PPARGC1B: variants seen among roughly 807,000 people sequenced by gnomAD.
The protein encoded by PPARGC1B is PPARG coactivator 1 beta, also known as peroxisome proliferator-activated receptor gamma coactivator 1-beta.
Under a neutral mutation model 101.6 loss-of-function variants are expected in PPARGC1B, and 34 were observed. The ratio of observed to expected loss-of-function variants is 0.33; its 90% confidence interval spans 0.25 to 0.45. The LOEUF (loss-of-function observed/expected upper bound fraction) is 0.45, where lower values mean the gene tolerates loss of function less well. Among genes scored for constraint, PPARGC1B ranks in the 20% least tolerant of loss-of-function variants. The pLI is 1.00. For missense variants in PPARGC1B, 1,234 were observed against 1,317.6 expected, an observed-to-expected ratio of 0.94 and a Z score of 0.98; for synonymous variants, 548 against 539.3, an observed-to-expected ratio of 1.02 and a Z score of -0.22.
At chr5:149,735,588 A>C (rs17654872) in intron 1 of PPARGC1B, among the ~76,000 whole-genome samples, 17,058 of 152,172 alleles carry the variant, frequency 0.11, 1,276 homozygotes, top group Admixed American at 0.23. Flanking sequence ...ACTACATTTC[A>C]TTCTCATAGA....
chr5:149,784,568 T>C (rs867953725), intron 1 of PPARGC1B, among the ~76,000 whole-genome samples: 9 of 136,284 alleles, frequency 6.6e-5, no homozygotes, highest in Middle Eastern at 3.5e-3. Context: ...TTCTTTTTTT[T>C]TTTTTTTTTT....
intron 1 of PPARGC1B, among the ~76,000 whole-genome samples, chr5:149,804,803 G>A (rs1468534483): frequency 6.6e-6 from 1 of 152,206 alleles, no homozygotes; most frequent in African/African-American, 2.4e-5. Context: ...TGTCCCAGGT[G>A]GACAGCCCCA....
chr5:149,748,322 T>TAG (rs1755163374), intron 1 of PPARGC1B, among the ~76,000 whole-genome samples: 4 of 151,022 alleles, frequency 2.6e-5, no homozygotes, highest in South Asian at 4.2e-4. Context: ...GATATAGATA[T>TAG]ATCTATATAT....
At position 149,842,261 on chromosome 5, in the gene PPARGC1B, A is replaced by G; in HGVS notation, c.2700A>G (p.Glu900=). Residue 900 remains glutamate, a synonymous_variant, in exon 10 of 12, where the codon GAA becomes GAG. Transcript: ENST00000309241. ...ARKRREKAIG[E]GRVVYIQNLS... is the part of the protein sequence containing the mutation. ...CTGTCCTCCTTCTTGGGCAGGGGGA[A>G]GGCCGCGTGGTGTACATTCAAAATC... 3 of 1,613,218 alleles carry G rather than the reference A, an allele frequency of 1.9e-6. No individual in the cohort carries two copies. Among genetic ancestry groups the G allele is most frequent in the Non-Finnish European group, 8.5e-7 (1 of 1,179,788 alleles).
Position 149,820,588 on chromosome 5 carries a change from T to C in PPARGC1B, c.234T>C (p.Asp78=). The change falls in exon 2 of 12, where the codon GAT becomes GAC. Residue 78 remains aspartate, a synonymous_variant. Transcript: ENST00000309241. ...CTGAACCCAACCAGTACAGCCCCGATGACTCCGAGCTCTTCCAGGTATGCC... is the reference window on the plus strand; with the variant it reads ...CTGAACCCAACCAGTACAGCCCCGACGACTCCGAGCTCTTCCAGGTATGCC... ...SETEPNQYSP[D]DSELFQIDSE... 6.2e-7 allele frequency: 1 copy of C among 1,612,530 alleles called. No individual in the cohort carries two copies. Among genetic ancestry groups the C allele is most frequent in the Non-Finnish European group, 8.5e-7 (1 of 1,179,948 alleles).
At chr5:149,803,314 C>T (rs936305108) in intron 1 of PPARGC1B, among the ~76,000 whole-genome samples, 2 of 152,182 alleles carry the variant, frequency 1.3e-5, no homozygotes, top group African/African-American at 4.8e-5. Flanking sequence ...TGCTCTGTGA[C>T]TTTAGGCAGC....
chr5:149,744,799 AGCTC>A (rs1755029521), intron 1 of PPARGC1B, among the ~76,000 whole-genome samples: 1 of 152,198 alleles, frequency 6.6e-6, no homozygotes, highest in Non-Finnish European at 1.5e-5. Flanking sequence ...AAGAGTTTGT[AGCTC>A]GGCATTAGAT....
chr5:149,833,533 GC>G lies in PPARGC1B; in HGVS notation c.1464del (p.Trp489GlyfsTer2). On this transcript the variant is annotated frameshift_variant, in exon 5 of 12. Coordinates refer to ENST00000309241, the MANE Select transcript of PPARGC1B (RefSeq NM_133263.4). LOFTEE classifies it high-confidence loss of function. This position sits in a 1 kb window ranked among gnomAD's most constrained non-coding sequence, Gnocchi z 4.1. Reference sequence around the variant, plus strand: ...TCTCGGAGACTGAACCCTGAGCTGGGCCCCTGGCTGACATTTGCAGATGAGC... The same window carrying G: ...TCTCGGAGACTGAACCCTGAGCTGGGCCCTGGCTGACATTTGCAGATGAGC... Reference protein sequence around the residue: ...RRSRRLNPELGPWLTFADEPL... With the variant: ...RRSRRLNPELXPWLTFADEPL... 6 of 1,573,206 alleles carry G rather than the reference GC, an allele frequency of 3.8e-6. No individual in the cohort carries two copies. The highest frequency in any genetic ancestry group is 5.2e-6 in the Non-Finnish European group (6 of 1,159,374).
At chr5:149,749,242 G>C (rs1468970170) in intron 1 of PPARGC1B, among the ~76,000 whole-genome samples, 1 of 152,188 alleles carries the variant, frequency 6.6e-6, no homozygotes, top group African/African-American at 2.4e-5. Flanking sequence ...ATACCTGTTA[G>C]TGTGTCACTG....
intron 1 of PPARGC1B, among the ~76,000 whole-genome samples, chr5:149,774,850 C>A (rs1581038462): frequency 1.3e-5 from 2 of 152,058 alleles, no homozygotes; most frequent in Non-Finnish European, 2.9e-5. Context: ...TCATGGAGAC[C>A]AGGCTGCTGC....
At chr5:149,752,125 C>G (rs897715482) in intron 1 of PPARGC1B, among the ~76,000 whole-genome samples, 12 of 152,230 alleles carry the variant, frequency 7.9e-5, no homozygotes, top group African/African-American at 2.9e-4. Flanking sequence ...TAGACAATAT[C>G]TGATCACCTC....
chr5:149,731,325 G>C (rs2113044909), intron 1 of PPARGC1B, among the ~76,000 whole-genome samples: 1 of 152,368 alleles, frequency 6.6e-6, no homozygotes, highest in South Asian at 2.1e-4. Context: ...GTCAGCACGA[G>C]GCGTGCGCGG....
At chr5:149,838,969 T>C (rs1229961904) in intron 8 of PPARGC1B, among the ~76,000 whole-genome samples, 1 of 152,192 alleles carries the variant, frequency 6.6e-6, no homozygotes, top group African/African-American at 2.4e-5. Context: ...TTCTACCAAT[T>C]CTGTTGCAAA....
intron 1 of PPARGC1B, among the ~76,000 whole-genome samples, chr5:149,810,178 C>T (rs537030833): frequency 1.3e-5 from 2 of 152,348 alleles, no homozygotes; most frequent in East Asian, 3.9e-4. Context: ...CTGCCACTCT[C>T]CTTTGAATTC....
chr5:149,847,012 G>C (rs968197310), intron 11 of PPARGC1B: 1 of 216,648 alleles, frequency 4.6e-6, no homozygotes, highest in African/African-American at 2.3e-5. Flanking sequence ...TTGAACCCGA[G>C]AGGCAGAGGT....
chr5:149,827,518 A>G (rs1412230984), intron 3 of PPARGC1B, among the ~76,000 whole-genome samples: 1 of 151,614 alleles, frequency 6.6e-6, no homozygotes, highest in East Asian at 1.9e-4. Flanking sequence ...TGTTGTTTCA[A>G]CTCCTTCCTC....
At chr5:149,780,092 C>T (rs938432906) in intron 1 of PPARGC1B, among the ~76,000 whole-genome samples, 2 of 152,212 alleles carry the variant, frequency 1.3e-5, no homozygotes, top group African/African-American at 4.8e-5. Flanking sequence ...GGGATGAATT[C>T]CTAGGCCCAC....
intron 4 of PPARGC1B, among the ~76,000 whole-genome samples, chr5:149,831,558 C>T (rs1364754048): frequency 6.6e-6 from 1 of 152,150 alleles, no homozygotes; most frequent in Non-Finnish European, 1.5e-5. Flanking sequence ...CCCTATGCTC[C>T]CTCCCTATTT....
chr5:149,801,310 C>T (rs1706042873), intron 1 of PPARGC1B, among the ~76,000 whole-genome samples: 1 of 152,172 alleles, frequency 6.6e-6, no homozygotes, highest in Non-Finnish European at 1.5e-5. Flanking sequence ...GCCATGAGAG[C>T]GTGCAGAAAG....
Sources: allele counts gnomAD v4.1 joint callset (sites outside exome capture counted in the v4.1 genomes callset), GRCh38; gene constraint gnomAD v4.1.1; non-coding constraint Gnocchi (gnomAD v3.1); transcripts MANE v1.5; gene names NCBI Gene and HGNC (gene_info 2026-07-23, HGNC 2026-07-21).